The following CPNE8 variants were observed in gnomAD, a reference collection of about 807,000 sequenced individuals.
CPNE8 encodes the protein copine 8, also known as copine-8.
In CPNE8, 45 loss-of-function variants were observed where a neutral mutation model predicts 81.5. That is an observed-to-expected ratio of 0.55 (90% CI 0.44 to 0.71). The LOEUF is 0.71. CPNE8 is among the 30% of genes least tolerant of loss of function. The pLI, the probability that CPNE8 is intolerant of heterozygous loss-of-function variation, is 0.00. For synonymous variants in CPNE8, 252 were observed against 226.3 expected (o/e 1.11, Z -1.02); for missense variants, 594 against 672.1 (o/e 0.88, Z 1.28).
intron 17 of CPNE8, chr12:38,676,320 T>C (rs1209918827): frequency 1.0e-6 from 1 of 984,716 alleles, no homozygotes; most frequent in African/African-American, 1.7e-5. Flanking sequence ...TCTTCGGAAA[T>C]GACCAGCCCT....
In CPNE8 at chr12:38,847,858, T is replaced by C. The variant is rs779192999; in HGVS notation, c.290+701A>G. On this transcript the variant is annotated intron_variant, in intron 4 of 19. Coordinates refer to ENST00000331366, the MANE Select transcript of CPNE8 (RefSeq NM_153634.3). ...TATTTAAAATAAGACATTTATCTTT[T>C]AATGTTCATGAATTTCCTTTAATTA... 2.0e-5 allele frequency among the ~76,000 whole-genome samples: 3 copies of C among 152,178 alleles called. No individual in the cohort carries two copies. In the East Asian group the frequency reaches 5.8e-4, roughly 29 times the overall value.
chr12:38,870,649 G>C (rs1033392505), intron 3 of CPNE8, among the ~76,000 whole-genome samples: 17 of 152,070 alleles, frequency 1.1e-4, no homozygotes, highest in Admixed American at 2.0e-4. Context: ...TCGGCGGGTG[G>C]GGGGCTAGGG....
In CPNE8 at chr12:38,849,522, A is replaced by G. The variant is rs192522705; in HGVS notation, c.187-860T>C. Among the ~76,000 whole-genome samples the G allele has an allele frequency of 1.4e-3, 216 of 152,332 alleles. 1 individual carries two copies. The highest frequency in any genetic ancestry group is 4.9e-3 in the African/African-American group (204 of 41,574). Reference sequence around the variant, plus strand: ...ACAAACCAACTTTTATTAAAGTTCAATGAAATATTATCTTTTTAATAGGAA... The same window carrying G: ...ACAAACCAACTTTTATTAAAGTTCAGTGAAATATTATCTTTTTAATAGGAA... On this transcript the variant is annotated intron_variant, in intron 3 of 19. Coordinates refer to ENST00000331366, the MANE Select transcript of CPNE8 (RefSeq NM_153634.3).
intron 1 of CPNE8, among the ~76,000 whole-genome samples, chr12:38,886,273 G>A (rs907668293): frequency 3.3e-5 from 5 of 152,032 alleles, no homozygotes; most frequent in Non-Finnish European, 7.4e-5. Context: ...AACTCTCTAG[G>A]CTTCAGTTTT....
At chr12:38,788,879 C>A (rs1942261586) in intron 6 of CPNE8, among the ~76,000 whole-genome samples, 1 of 151,398 alleles carries the variant, frequency 6.6e-6, no homozygotes, top group Non-Finnish European at 1.5e-5. Flanking sequence ...AAATTAAATA[C>A]CTGGGAATTA....
chr12:38,874,476 T>A lies in CPNE8; in HGVS notation c.134A>T (p.Asp45Val). The A allele has an allele frequency of 6.2e-7, 1 of 1,608,948 alleles. No homozygotes were observed. The highest frequency in any genetic ancestry group is 8.5e-7 in the Non-Finnish European group (1 of 1,176,840). ...LLDRDTFSKS[D>V]PICVLYVQGV... ...GGCAAGCAATACATACTTACTTGGA[T>A]CAGATTTAGAAAATGTGTCTCTGTC... The change falls in exon 2 of 20, where the codon GAT becomes GTT. Residue 45 changes from aspartate (D) to valine (V), a missense_variant. Asp to Val is a radical substitution (Grantham distance 152). Coordinates refer to ENST00000331366, the MANE Select transcript of CPNE8 (RefSeq NM_153634.3).
At chr12:38,882,271 G>A (rs986243921) in intron 1 of CPNE8, among the ~76,000 whole-genome samples, 2 of 152,142 alleles carry the variant, frequency 1.3e-5, no homozygotes, top group African/African-American at 4.8e-5. Flanking sequence ...ACAGCACAGA[G>A]AGAGTTGTAG....
At chr12:38,687,838 T>C (rs2136662974) in intron 15 of CPNE8, among the ~76,000 whole-genome samples, 1 of 152,322 alleles carries the variant, frequency 6.6e-6, no homozygotes, top group East Asian at 1.9e-4. Context: ...CCCTCATACA[T>C]TTTTGAAAGT....
At chr12:38,702,813 T>C in intron 14 of CPNE8, 62 bp downstream of exon 14, 1 of 993,030 alleles carries the variant, frequency 1.0e-6, no homozygotes. Flanking sequence ...CTTATGAAAA[T>C]ATAAATTTAT....
intron 7 of CPNE8, among the ~76,000 whole-genome samples, chr12:38,773,122 A>G (rs1036751105): frequency 6.6e-6 from 1 of 152,136 alleles, no homozygotes; most frequent in Non-Finnish European, 1.5e-5. Flanking sequence ...AAATTATAGA[A>G]GCAGGGAGTA....
chr12:38,878,136 A>G (rs1345259015), intron 1 of CPNE8, among the ~76,000 whole-genome samples: 2 of 152,226 alleles, frequency 1.3e-5, no homozygotes, highest in African/African-American at 4.8e-5. Flanking sequence ...CCGTGGATAT[A>G]ATCAAGAAAT....
intron 10 of CPNE8, among the ~76,000 whole-genome samples, chr12:38,757,339 A>T (rs962716243): frequency 2.6e-5 from 4 of 151,980 alleles, no homozygotes; most frequent in Non-Finnish European, 5.9e-5. Context: ...AAAAATCTAC[A>T]TTGGGCAATT....
chr12:38,743,536 A>G (rs1271837956), intron 10 of CPNE8, among the ~76,000 whole-genome samples: 1 of 152,154 alleles, frequency 6.6e-6, no homozygotes, highest in South Asian at 2.1e-4. Context: ...TACTTAGATC[A>G]TTGAAATATA....
intron 6 of CPNE8, among the ~76,000 whole-genome samples, chr12:38,824,612 A>T (rs1228015321): frequency 6.6e-6 from 1 of 152,140 alleles, no homozygotes; most frequent in African/African-American, 2.4e-5. Context: ...AATAACTTAG[A>T]ATATAAATGG....
intron 1 of CPNE8, among the ~76,000 whole-genome samples, chr12:38,903,704 C>T (rs79431452): frequency 0.015 from 2,322 of 152,218 alleles, 58 homozygotes; most frequent in African/African-American, 0.053. Flanking sequence ...GTAGGACTTC[C>T]GGCTATCCAT....
At chr12:38,738,072 G>A (rs532579919) in intron 10 of CPNE8, among the ~76,000 whole-genome samples, 39 of 152,216 alleles carry the variant, frequency 2.6e-4, no homozygotes, top group African/African-American at 9.4e-4. Flanking sequence ...ATTCTTGCTT[G>A]TGGAGCCGGC....
At chr12:38,686,688 G>T (rs1939542391) in intron 15 of CPNE8, among the ~76,000 whole-genome samples, 1 of 152,182 alleles carries the variant, frequency 6.6e-6, no homozygotes, top group Admixed American at 6.5e-5. Context: ...GACCTGGGCT[G>T]CAGTCATCTG....
At chr12:38,741,559 A>T (rs1010895502) in intron 10 of CPNE8, among the ~76,000 whole-genome samples, 2 of 152,222 alleles carry the variant, frequency 1.3e-5, no homozygotes, top group African/African-American at 2.4e-5. Context: ...TATATGTTAG[A>T]CCTAAAACCA....
At chr12:38,822,853 C>G (rs555119584) in intron 6 of CPNE8, among the ~76,000 whole-genome samples, 6 of 152,160 alleles carry the variant, frequency 3.9e-5, no homozygotes. Context: ...TCTTCTGAGT[C>G]CAGCCCAATA....
Sources: gnomAD v4.1 joint callset for allele counts (sites outside exome capture counted in the v4.1 genomes callset) on GRCh38, gnomAD v4.1.1 for gene constraint, MANE v1.5 for transcripts, NCBI Gene and HGNC (gene_info 2026-07-23, HGNC 2026-07-21) for gene names.